Variants in TJP2 observed in about 807,000 individuals in gnomAD.
The protein encoded by TJP2 is tight junction protein 2.
In TJP2, 91 loss-of-function variants were observed where a neutral mutation model predicts 133.1. The ratio of observed to expected loss-of-function variants is 0.68; its 90% CI spans 0.58 to 0.81. The LOEUF (loss-of-function observed/expected upper bound fraction) is 0.81, where lower values mean the gene tolerates loss of function less well. Ranked by LOEUF, TJP2 falls within the 40% of genes least tolerant of loss-of-function variation. The probability of loss-of-function intolerance (pLI) is 0.00; values close to 1 mark genes in which losing one functional copy is unlikely to be tolerated. For missense variants in TJP2, 1,541 were observed against 1,565.6 expected (o/e 0.98, Z 0.26); for synonymous variants, 592 against 583.4 (o/e 1.01, Z -0.21).
chr9:69,179,323 C>T (rs1825320149), intron 1 of TJP2, among the ~76,000 whole-genome samples: 1 of 152,112 alleles, frequency 6.6e-6, no homozygotes, highest in African/African-American at 2.4e-5. Flanking sequence ...TTTCCTTAAC[C>T]ATTTACACAC....
chr9:69,172,260 A>T (rs973185157), upstream of TJP2, among the ~76,000 whole-genome samples: 3 of 152,222 alleles, frequency 2.0e-5, no homozygotes, highest in Non-Finnish European at 4.4e-5. Context: ...TCTAACAACC[A>T]TTTACTGAAT....
chr9:69,151,845 T>G, intron 2 of TJP2: 2 of 1,224,886 alleles, frequency 1.6e-6, no homozygotes, highest in Non-Finnish European at 2.0e-6. Context: ...GTTACCGTTT[T>G]CACATTCTAG....
intron 1 of TJP2, among the ~76,000 whole-genome samples, chr9:69,137,114 G>A (rs575193099): frequency 6.6e-6 from 1 of 152,180 alleles, no homozygotes; most frequent in Admixed American, 6.5e-5. Context: ...GAGTTTCATT[G>A]TTCTGTTGGT....
At chr9:69,188,386 C>T (rs143303323) in intron 1 of TJP2, among the ~76,000 whole-genome samples, 240 of 152,096 alleles carry the variant, frequency 1.6e-3, no homozygotes, top group Non-Finnish European at 8.4e-4. Flanking sequence ...CAGTGTCACA[C>T]GGCTTGTGTG....
chr9:69,205,148 C>T lies in TJP2; in HGVS notation c.61-7400C>T, dbSNP rs750579851. 35 of 1,537,002 alleles carry T rather than the reference C, an allele frequency of 2.3e-5. No homozygotes were observed. In the Middle Eastern group the frequency reaches 5.0e-4, roughly 22 times the overall value. On this transcript the variant is annotated intron_variant, in intron 1 of 22. Coordinates refer to ENST00000377245, the MANE Select transcript of TJP2 (RefSeq NM_004817.4). Reference sequence around the variant, plus strand: ...AATGTAGGCGGTGGCCTGGCCCATGCATCTCCAGAGACCATGAAGACTGCT... The same window carrying T: ...AATGTAGGCGGTGGCCTGGCCCATGTATCTCCAGAGACCATGAAGACTGCT...
chr9:69,168,451 A>G (rs1039035056), intron 2 of TJP2, among the ~76,000 whole-genome samples: 1 of 151,892 alleles, frequency 6.6e-6, no homozygotes, highest in Non-Finnish European at 1.5e-5. Context: ...CAAGTTAATT[A>G]CCCCCACCCT....
At position 69,225,400 on chromosome 9, in the gene TJP2, T is replaced by C; in HGVS notation, c.1049T>C (p.Ile350Thr). 6.2e-7 allele frequency: 1 copy of C among 1,611,900 alleles called. No homozygotes were observed. The highest frequency in any genetic ancestry group is 8.5e-7 in the Non-Finnish European group (1 of 1,178,240). Reference protein sequence around the residue: ...KDGNLHEGDIILKINGTVTEN... With the variant: ...KDGNLHEGDITLKINGTVTEN... ...GGCAACCTTCACGAAGGAGACATAA[T>C]TCTCAAGGTGGGTAGATGGGGGCAG... The change falls in exon 6 of 23, where the codon ATT (isoleucine) becomes ACT (threonine). Residue 350 changes from isoleucine to threonine, a missense_variant. Transcript: ENST00000377245.
rs780609130 is a variant in TJP2, at chr9:69,248,076, A to G, written c.2732A>G (p.Tyr911Cys). ...MSYLTAMGAD[Y>C]LSCDSRLISD... ...TACTTAACCGCCATGGGCGCGGACT[A>G]TCTGAGTTGCGACAGCCGCCTCATC... Residue 911 changes from tyrosine to cysteine, a missense_variant, in exon 19 of 23, where the codon TAT becomes TGT. Physicochemically the swap from Tyr to Cys is radical, Grantham distance 194. Coordinates refer to ENST00000377245, the MANE Select transcript of TJP2 (RefSeq NM_004817.4). 1.4e-5 allele frequency: 22 copies of G among 1,614,052 alleles called. No individual in the cohort carries two copies. Among genetic ancestry groups the G allele is most frequent in the South Asian group, 4.4e-5 (4 of 91,080 alleles).
At chr9:69,216,317 A>C in intron 2 of TJP2, 22 bp from the exon 3 acceptor site, 1 of 1,613,998 alleles carries the variant, frequency 6.2e-7, no homozygotes, top group Non-Finnish European at 8.5e-7. Context: ...GATTTTTAAT[A>C]TTTCTCCTCT....
rs1237690194 is a variant in TJP2 at position 69,240,091 on chromosome 9, G to A, written c.2510G>A (p.Arg837Gln). ...RLNPTSNKSS[R>Q]KLFDQANKLK... The stretch of plus-strand genomic sequence containing the variant: ...AATCCAACGTCCAACAAAAGTTCTC[G>A]AAAGTTATTTGATCAAGCCAACAAG... The change falls in exon 17 of 23, where the codon CGA becomes CAA. Residue 837 changes from arginine (R) to glutamine (Q), a missense_variant. Physicochemically the swap from Arg to Gln is conservative, Grantham distance 43 (BLOSUM62 1). Coordinates refer to ENST00000377245, the MANE Select transcript of TJP2 (RefSeq NM_004817.4). 11 of 1,613,866 alleles carry A rather than the reference G, an allele frequency of 6.8e-6. No homozygotes were observed. Among genetic ancestry groups the A allele is most frequent in the African/African-American group, 5.3e-5 (4 of 74,852 alleles).
intron 1 of TJP2, among the ~76,000 whole-genome samples, chr9:69,209,142 TTTTC>T (rs761050708): frequency 9.2e-5 from 14 of 152,132 alleles, no homozygotes; most frequent in Non-Finnish European, 1.6e-4. Context: ...TTTCTTTTTC[TTTTC>T]TTTCTTTATT....
intron 1 of TJP2, among the ~76,000 whole-genome samples, chr9:69,174,757 C>T (rs1824939123): frequency 7.2e-6 from 1 of 138,872 alleles, no homozygotes; most frequent in Non-Finnish European, 1.6e-5. Flanking sequence ...GTGTCGCTTG[C>T]ATGTCTTTGT....
chr9:69,221,548 T>TTC (rs1563927172), intron 5 of TJP2, 52 bp downstream of exon 5: 1 of 1,566,150 alleles, frequency 6.4e-7, no homozygotes, highest in African/African-American at 1.4e-5. Context: ...TGAATAACCT[T>TTC]TGTTTTCTTA....
At chr9:69,179,750 C>T (rs1011074678) in intron 1 of TJP2, among the ~76,000 whole-genome samples, 4 of 152,134 alleles carry the variant, frequency 2.6e-5, no homozygotes, top group East Asian at 3.9e-4. Flanking sequence ...CCACCCGCCT[C>T]GGCCTCCCAA....
At chr9:69,206,700 C>G (rs1827441318) in intron 1 of TJP2, among the ~76,000 whole-genome samples, 1 of 152,064 alleles carries the variant, frequency 6.6e-6, no homozygotes, top group South Asian at 2.1e-4. Context: ...GCCTCAGCCT[C>G]CCGAGTAGCT....
At chr9:69,172,687 G>A (rs1824752109), upstream of TJP2, among the ~76,000 whole-genome samples, 1 of 152,028 alleles carries the variant, frequency 6.6e-6, no homozygotes, top group Non-Finnish European at 1.5e-5. Context: ...TTATTAGTCA[G>A]CACCACCTAA....
At chr9:69,247,131 G>T (rs1830982491) in intron 18 of TJP2, among the ~76,000 whole-genome samples, 1 of 152,174 alleles carries the variant, frequency 6.6e-6, no homozygotes, top group Admixed American at 6.5e-5. Context: ...CAGATGAGAG[G>T]TGAGGTTGAG....
intron 1 of TJP2, among the ~76,000 whole-genome samples, chr9:69,211,568 C>A (rs908209841): frequency 2.0e-5 from 3 of 152,088 alleles, no homozygotes; most frequent in African/African-American, 7.2e-5. Flanking sequence ...GGAGAGGATT[C>A]GCATCTGCCT....
upstream of TJP2, among the ~76,000 whole-genome samples, chr9:69,169,332 T>C (rs1824542671): frequency 1.3e-5 from 2 of 149,858 alleles, no homozygotes; most frequent in South Asian, 2.1e-4. Context: ...CTAAATTGTT[T>C]GGTGAACCTG....
Sources: gnomAD v4.1 joint callset for allele counts (sites outside exome capture counted in the v4.1 genomes callset) on GRCh38, gnomAD v4.1.1 for gene constraint, MANE v1.5 for transcripts, NCBI Gene and HGNC (gene_info 2026-07-23, HGNC 2026-07-21) for gene names.